SEMA3G: variants seen among roughly 807,000 people sequenced by gnomAD.
SEMA3G encodes the protein semaphorin 3G.
A neutral mutation model predicts 86.2 loss-of-function variants in SEMA3G; 70 were observed. The observed-to-expected ratio is 0.81, with a 90% CI of 0.67 to 0.99. The LOEUF is 0.99. SEMA3G is among the 50% of genes least tolerant of loss of function. SEMA3G has a pLI of 0.00. For synonymous variants in SEMA3G, 416 were observed against 441.4 expected, an observed-to-expected ratio of 0.94 and a Z score of 0.72; for missense variants, 1,002 against 1,072.4, an observed-to-expected ratio of 0.93 and a Z score of 0.92.
In SEMA3G at chr3:52,439,980, C is replaced by T. The variant is rs775423425; in HGVS notation, c.1262G>A (p.Arg421Gln). The T allele has an allele frequency of 1.5e-5, 25 of 1,613,600 alleles. No homozygotes were observed. Among genetic ancestry groups the T allele is most frequent in the African/African-American group, 5.3e-5 (4 of 74,944 alleles). ...HPLMFWPVRP[R>Q]HGRPVLVKTH... is the part of the protein sequence containing the mutation. ...CTTGACAAGGACAGGGCGGCCATGT[C>T]GAGGCCGCACAGGCCAGAACATGAG... The change falls in exon 11 of 16, where the codon CGA becomes CAA. Residue 421 changes from arginine to glutamine, a missense_variant. Transcript: ENST00000231721.
Position 52,439,739 on chromosome 3 carries a change from G to C in SEMA3G, c.1408C>G (p.Gln470Glu). The C allele has an allele frequency of 6.2e-7, 1 of 1,614,036 alleles. No homozygotes were observed. Among genetic ancestry groups the C allele is most frequent in the Non-Finnish European group, 8.5e-7 (1 of 1,180,006 alleles). ...TCAGGTTCAGCTGAGCCCCCTGCCT[G>C]GAGAGCGATGACTTTGAGCACAGAC... ...SGSVLKVIAL[Q>E]AGGSAEPEEV... is the part of the protein sequence containing the mutation. Residue 470 changes from glutamine (Q) to glutamate (E), a missense_variant, in exon 12 of 16, where the codon CAG (glutamine) becomes GAG (glutamate). Gln to Glu is a conservative substitution (Grantham distance 29). Coordinates refer to ENST00000231721, the MANE Select transcript of SEMA3G (RefSeq NM_020163.3).
chr3:52,441,876 T>C lies in SEMA3G; in HGVS notation c.493A>G (p.Ser165Gly), dbSNP rs1706165395. The change falls in exon 5 of 16, where the codon AGT becomes GGT. Residue 165 changes from serine to glycine, a missense_variant. By Grantham distance (56) the Ser-to-Gly change is moderately conservative. Coordinates refer to ENST00000231721, the MANE Select transcript of SEMA3G (RefSeq NM_020163.3). ...VLHLEPGSVE[S>G]GRGRCPHEPS... ...TCGTGAGGGCACCGCCCCCGGCCAC[T>C]TTCCACACTGCCAGGCTCCAGGTGG... 1 of 1,587,316 alleles carries C rather than the reference T, an allele frequency of 6.3e-7. No homozygotes were observed. The highest frequency in any genetic ancestry group is 8.6e-7 in the Non-Finnish European group (1 of 1,166,452).
In SEMA3G at chr3:52,441,889, A is replaced by T; in HGVS notation, c.480T>A (p.Pro160=). ...GCCCCCGGCCACTTTCCACACTGCC[A>T]GGCTCCAGGTGGAGCACATGCTAGT... The part of the protein sequence containing the change: ...HRGEHVLHLE[P]GSVESGRGRC... The change falls in exon 5 of 16, where the codon CCT becomes CCA. Residue 160 remains proline (P), a synonymous_variant. Transcript: ENST00000231721. 6.3e-7 allele frequency: 1 copy of T among 1,578,766 alleles called. No individual in the cohort carries two copies. Among genetic ancestry groups the T allele is most frequent in the East Asian group, 2.3e-5 (1 of 43,750 alleles).
chr3:52,437,758 G>A, intron 14 of SEMA3G, 92 bp from the exon 15 acceptor site: 1 of 1,436,586 alleles, frequency 7.0e-7, no homozygotes, highest in African/African-American at 1.4e-5. Flanking sequence ...AGCCCCACTA[G>A]TATGACAAGA....
intron 15 of SEMA3G, 50 bp downstream of exon 15, chr3:52,437,477 A>G (rs759515658): frequency 1.3e-5 from 20 of 1,560,356 alleles, no homozygotes; most frequent in Non-Finnish European, 1.7e-5. Context: ...TCAGGATGGG[A>G]GGTGACCTCA....
At chr3:52,438,346 T>G in intron 13 of SEMA3G, 147 bp from the exon 14 acceptor site, 1 of 1,421,220 alleles carries the variant, frequency 7.0e-7, no homozygotes, top group East Asian at 2.5e-5. Flanking sequence ...ACAAAAAGTG[T>G]TTATCACCCA....
rs1206354512 is a variant in SEMA3G, at chr3:52,434,409, AAC to A, written c.*1192_*1193del. 1 of 151,940 alleles carries A rather than the reference AAC, an allele frequency of 6.6e-6. No homozygotes were observed. The highest frequency in any genetic ancestry group is 1.5e-5 in the Non-Finnish European group (1 of 68,002). 9.4% of individuals were successfully genotyped at this position (151,940 alleles called of 1,614,324 possible). On this transcript the variant is annotated 3_prime_UTR_variant, in exon 16 of 16. Coordinates refer to ENST00000231721, the MANE Select transcript of SEMA3G (RefSeq NM_020163.3). The surrounding 1 kb of genome is among the most constrained non-coding windows in gnomAD (Gnocchi z 5.2). ...TACCTTGTTTCCCCCTTAAAAGAAAAACAGTCTTCCTAAATCCATTTAGCATA... is the reference window on the plus strand; with the variant it reads ...TACCTTGTTTCCCCCTTAAAAGAAAAAGTCTTCCTAAATCCATTTAGCATA...
Position 52,440,952 on chromosome 3 carries a change from T to C in SEMA3G, c.910A>G (p.Thr304Ala). 4.4e-6 allele frequency: 7 copies of C among 1,606,032 alleles called. No homozygotes were observed. Among genetic ancestry groups the C allele is most frequent in the Non-Finnish European group, 5.9e-6 (7 of 1,177,862 alleles). The change falls in exon 8 of 16, where the codon ACC becomes GCC. Residue 304 changes from threonine to alanine, a missense_variant. Coordinates refer to ENST00000231721, the MANE Select transcript of SEMA3G (RefSeq NM_020163.3). ...CSVPGPGGAE[T>A]HFDQLEDVFL... ...CCCTCACCTAGCTGGTCAAAGTGGG[T>C]CTCGGCACCACCAGGGCCGGGCACC...
chr3:52,441,973 C>A, intron 4 of SEMA3G, 64 bp from the exon 5 acceptor site: 1 of 1,394,794 alleles, frequency 7.2e-7, no homozygotes, highest in Non-Finnish European at 9.9e-7. Flanking sequence ...CAGCCCACAC[C>A]CAAGCAGGAG....
chr3:52,441,249 C>G lies in SEMA3G; in HGVS notation c.813+15G>C, dbSNP rs372682403. ...AGCAGGGACTTGAACCTCACCACCCCTTCCCAGCTCTTACCACGCAGACGC... is the reference window on the plus strand; with the variant it reads ...AGCAGGGACTTGAACCTCACCACCCGTTCCCAGCTCTTACCACGCAGACGC... On this transcript the variant is annotated intron_variant, in intron 7 of 15. Transcript: ENST00000231721. 7 of 1,610,648 alleles carry G rather than the reference C, an allele frequency of 4.3e-6. No individual in the cohort carries two copies. The highest frequency in any genetic ancestry group is 5.1e-6 in the Non-Finnish European group (6 of 1,178,552).
At chr3:52,441,433 T>G (rs747474111) in intron 6 of SEMA3G, 24 bp from the exon 7 acceptor site, 1 of 1,610,774 alleles carries the variant, frequency 6.2e-7, no homozygotes, top group Non-Finnish European at 8.5e-7. Flanking sequence ...AGGGTCATGC[T>G]GGGTGGAGGG....
In SEMA3G at chr3:52,440,902, C is replaced by T. The variant is rs78028635; in HGVS notation, c.928+32G>A. The T allele has an allele frequency of 2.0e-3, 3,278 of 1,600,602 alleles. 53 individuals are homozygous for T. In the East Asian group the frequency reaches 0.043, roughly 21 times the overall value. ...ACCAGCTCTCAGCCCTCCCCACTCC[C>T]GAGCCCTAGGCCTGCTTGGCCAGGC... On this transcript the variant is annotated intron_variant, in intron 8 of 15. Coordinates refer to ENST00000231721, the MANE Select transcript of SEMA3G (RefSeq NM_020163.3).
rs529286895 is a variant in SEMA3G at position 52,436,220 on chromosome 3, G to A, written c.1879-147C>T. ...CCCTTCCCAGGAGGGGACCAGCAGC[G>A]TGGCAGTCTGGGCCTCCTCTAGACC... is the stretch of plus-strand genomic sequence containing the variant. On this transcript the variant is annotated intron_variant, in intron 15 of 15. Transcript: ENST00000231721. The A allele has an allele frequency of 1.6e-4, 231 of 1,420,394 alleles. No homozygotes were observed. The African/African-American group carries it at 2.3e-3, about 14-fold the overall frequency. 88.0% of individuals were successfully genotyped at this position (1,420,394 alleles called of 1,614,324 possible). A position where few individuals can be genotyped will look rare whatever the true frequency, so the allele number is the denominator to read the frequency against.
At chr3:52,437,465 G>A (rs1706066320) in intron 15 of SEMA3G, 62 bp downstream of exon 15, 3 of 1,522,916 alleles carry the variant, frequency 2.0e-6, no homozygotes, top group Non-Finnish European at 8.9e-7. Flanking sequence ...AGGTCTTGGG[G>A]TTCAGGATGG....
rs1393655191 is a variant in SEMA3G, at chr3:52,442,164, T to C, written c.459+21A>G. On this transcript the variant is annotated intron_variant, in intron 4 of 15. Transcript: ENST00000231721. This position sits in a 1 kb window ranked among gnomAD's most constrained non-coding sequence, Gnocchi z 6.1. ...AATGTCACTGCCTCCCAGTCCCTTG[T>C]GGGGCCTGGCCCAGGCTCACCTCCC... 2 of 1,608,008 alleles carry C rather than the reference T, an allele frequency of 1.2e-6. No individual in the cohort carries two copies. The highest frequency in any genetic ancestry group is 8.5e-7 in the Non-Finnish European group (1 of 1,176,518).
intron 13 of SEMA3G, 116 bp downstream of exon 13, chr3:52,438,804 A>C: frequency 6.5e-7 from 1 of 1,527,510 alleles, no homozygotes; most frequent in Non-Finnish European, 8.8e-7. Context: ...CTGCCTCAGC[A>C]CAGCTTTCCC....
At chr3:52,440,604 G>C (rs1706134115) in intron 9 of SEMA3G, 83 bp from the exon 10 acceptor site, 2 of 1,503,132 alleles carry the variant, frequency 1.3e-6, no homozygotes, top group Admixed American at 3.9e-5. Flanking sequence ...GCAGGACAGA[G>C]GGTGACAGTG....
At chr3:52,437,468 C>A in intron 15 of SEMA3G, 59 bp downstream of exon 15, 2 of 1,531,220 alleles carry the variant, frequency 1.3e-6, no homozygotes, top group South Asian at 1.2e-5. Context: ...TCTTGGGGTT[C>A]AGGATGGGAG....
chr3:52,436,111 G>A (rs780489027), intron 15 of SEMA3G, 38 bp from the exon 16 acceptor site: 45 of 1,561,686 alleles, frequency 2.9e-5, no homozygotes, highest in Non-Finnish European at 3.7e-5. Context: ...AGGGTGCAAG[G>A]TGGGAGTTTA....
Sources: allele counts gnomAD v4.1 joint callset, GRCh38; gene constraint gnomAD v4.1.1; non-coding constraint Gnocchi (gnomAD v3.1); transcripts MANE v1.5; gene names NCBI Gene and HGNC (gene_info 2026-07-23, HGNC 2026-07-21).